Variants in TBCK observed in about 807,000 individuals in gnomAD.
TBCK encodes the protein TBC domain-containing protein kinase-like protein.
A neutral mutation model predicts 113.4 loss-of-function variants in TBCK; 99 were observed. The ratio of observed to expected loss-of-function variants is 0.87; its 90% CI spans 0.74 to 1.03. The LOEUF is 1.03. TBCK is among the 50% of genes least tolerant of loss of function. The pLI, the probability that TBCK is intolerant of heterozygous loss-of-function variation, is 0.00. For missense variants in TBCK, 1,045 were observed against 1,061.3 expected, an observed-to-expected ratio of 0.98 and a Z score of 0.21; for synonymous variants, 369 against 370.8, an observed-to-expected ratio of 1.00 and a Z score of 0.05.
intron 23 of TBCK, among the ~76,000 whole-genome samples, chr4:106,146,229 T>G (rs1458177503): frequency 3.3e-5 from 5 of 152,132 alleles, no homozygotes; most frequent in African/African-American, 7.2e-5. Flanking sequence ...CATATACATG[T>G]AATACATATA....
intron 25 of TBCK, among the ~76,000 whole-genome samples, chr4:106,087,612 C>G (rs1739662673): frequency 6.6e-6 from 1 of 152,138 alleles, no homozygotes; most frequent in South Asian, 2.1e-4. Flanking sequence ...AAAGAAGACC[C>G]CATATAGGCA....
chr4:106,084,630 C>G (rs1319055449), intron 25 of TBCK, among the ~76,000 whole-genome samples: 1 of 152,098 alleles, frequency 6.6e-6, no homozygotes, highest in African/African-American at 2.4e-5. Context: ...CCCCAAGACA[C>G]ATAATCATTA....
intron 2 of TBCK, among the ~76,000 whole-genome samples, chr4:106,307,477 G>A (rs1767656640): frequency 6.6e-6 from 1 of 152,012 alleles, no homozygotes; most frequent in Non-Finnish European, 1.5e-5. Context: ...TATTCTCAGA[G>A]TAAATATTTT....
chr4:106,099,011 G>A (rs761908051), intron 24 of TBCK, among the ~76,000 whole-genome samples: 14 of 152,158 alleles, frequency 9.2e-5, no homozygotes, highest in Non-Finnish European at 1.3e-4. Context: ...TTAACAGGTA[G>A]GGATGATGTA....
At chr4:106,122,493 G>A (rs1170509477) in intron 23 of TBCK, among the ~76,000 whole-genome samples, 38 of 152,038 alleles carry the variant, frequency 2.5e-4, no homozygotes, top group Admixed American at 2.4e-3. Flanking sequence ...CCAATCAATA[G>A]AAAAAGAGGG....
chr4:106,186,507 T>A (rs182869273), intron 22 of TBCK, among the ~76,000 whole-genome samples: 1 of 152,230 alleles, frequency 6.6e-6, no homozygotes, highest in Non-Finnish European at 1.5e-5. Flanking sequence ...TTTTTTCATA[T>A]GCTTGTTGGC....
At chr4:106,190,617 C>G (rs187917776) in intron 22 of TBCK, among the ~76,000 whole-genome samples, 2 of 152,328 alleles carry the variant, frequency 1.3e-5, no homozygotes, top group Admixed American at 1.3e-4. Flanking sequence ...TAAATTCTCT[C>G]AAATTCTATG....
chr4:106,081,493 G>A (rs1441636986), intron 25 of TBCK, among the ~76,000 whole-genome samples: 1 of 152,158 alleles, frequency 6.6e-6, no homozygotes, highest in Non-Finnish European at 1.5e-5. Flanking sequence ...GGTGGTGAGG[G>A]GAACAACACA....
chr4:106,295,134 G>A lies in TBCK; in HGVS notation c.226C>T (p.Arg76Cys), dbSNP rs145078307. The change falls in exon 3 of 26, where the codon CGT becomes TGT. Residue 76 changes from arginine (R) to cysteine (C), a missense_variant. By Grantham distance (180) the Arg-to-Cys change is radical. Transcript: ENST00000394708. Reference sequence around the variant, plus strand: ...TCTCGAAGCAAGTCTTCCAGACTACGTTCACAATGTTCAGCCACGACCACT... The same window carrying A: ...TCTCGAAGCAAGTCTTCCAGACTACATTCACAATGTTCAGCCACGACCACT... The part of the protein sequence containing the change: ...RLVVVAEHCE[R>C]SLEDLLRERK... The A allele has an allele frequency of 3.2e-5, 52 of 1,613,318 alleles. No individual in the cohort carries two copies. The highest frequency in any genetic ancestry group is 3.3e-4 in the Middle Eastern group (2 of 6,054).
chr4:106,057,974 C>A (rs138786899), intron 25 of TBCK, among the ~76,000 whole-genome samples: 99 of 151,862 alleles, frequency 6.5e-4, no homozygotes, highest in African/African-American at 2.2e-3. Context: ...GTACTTGACA[C>A]TAGTGTTTTT....
rs866817151 is a variant in TBCK at position 106,212,686 on chromosome 4, C to A, written c.1860+64G>T. On this transcript the variant is annotated intron_variant, in intron 20 of 25. Transcript: ENST00000394708. ...ACAAAAATTAAGAAAATACACTCTT[C>A]TGTGCTAATAATTTCTGCTTTTTTT... 67 of 1,193,694 alleles carry A rather than the reference C, an allele frequency of 5.6e-5. 1 individual carries two copies. In the Middle Eastern group the frequency reaches 2.4e-3, roughly 43 times the overall value. 73.9% of individuals were successfully genotyped at this position (1,193,694 alleles called of 1,614,324 possible).
At chr4:106,252,646 C>A (rs1219121122) in intron 5 of TBCK, among the ~76,000 whole-genome samples, 1 of 152,004 alleles carries the variant, frequency 6.6e-6, no homozygotes, top group Non-Finnish European at 1.5e-5. Context: ...CATTGATGTA[C>A]TTAATTTGAT....
chr4:106,132,646 C>A (rs1399950675), intron 23 of TBCK, among the ~76,000 whole-genome samples: 1 of 152,176 alleles, frequency 6.6e-6, no homozygotes, highest in Admixed American at 6.5e-5. Flanking sequence ...CACTGTGAGC[C>A]TGGAAAAGCC....
At chr4:106,216,964 C>T (rs1757020628) in intron 19 of TBCK, among the ~76,000 whole-genome samples, 1 of 152,078 alleles carries the variant, frequency 6.6e-6, no homozygotes, top group African/African-American at 2.4e-5. Flanking sequence ...TGCAAAAATC[C>T]TCAATAAAAT....
intron 20 of TBCK, among the ~76,000 whole-genome samples, chr4:106,211,238 C>G (rs1411601687): frequency 2.6e-5 from 4 of 151,984 alleles, no homozygotes; most frequent in Non-Finnish European, 5.9e-5. Context: ...ACACCATTAC[C>G]AACTTGGCAG....
chr4:106,069,593 T>C (rs954562536), intron 25 of TBCK, among the ~76,000 whole-genome samples: 33 of 152,248 alleles, frequency 2.2e-4, no homozygotes, highest in Admixed American at 9.8e-4. Context: ...CCTCCAGCTT[T>C]GTTCTTTTGG....
At chr4:106,287,803 T>G (rs1765270284) in intron 3 of TBCK, among the ~76,000 whole-genome samples, 1 of 152,180 alleles carries the variant, frequency 6.6e-6, no homozygotes, top group Non-Finnish European at 1.5e-5. Flanking sequence ...TTATAACAGA[T>G]GACTGGAGGT....
chr4:106,103,686 T>G (rs1270136097), intron 24 of TBCK, among the ~76,000 whole-genome samples: 10 of 152,226 alleles, frequency 6.6e-5, no homozygotes, highest in African/African-American at 2.4e-4. Context: ...GAAGTCAATT[T>G]ACTTCAATCT....
chr4:106,235,360 G>A lies in TBCK; in HGVS notation c.1358C>T (p.Pro453Leu), dbSNP rs1389032560. 2 of 1,600,272 alleles carry A rather than the reference G, an allele frequency of 1.2e-6. No homozygotes were observed. The highest frequency in any genetic ancestry group is 4.5e-5 in the East Asian group (2 of 44,464). The change falls in exon 15 of 26, where the codon CCA (proline) becomes CTA (leucine). Residue 453 changes from proline (P) to leucine (L), a missense_variant. Transcript: ENST00000394708. ...TTTCCAGATTTGGTTTTTTTTATAT[G>A]GATAAGCCTATGATATCAAAAAAGA... Reference protein sequence around the residue: ...ILFDRLLKAYPYKKNQIWKEA... With the variant: ...ILFDRLLKAYLYKKNQIWKEA...
Sources: allele counts gnomAD v4.1 joint callset (sites outside exome capture counted in the v4.1 genomes callset), GRCh38; gene constraint gnomAD v4.1.1; transcripts MANE v1.5; gene names NCBI Gene and HGNC (gene_info 2026-07-23, HGNC 2026-07-21).